Variants in PTPN13 observed in about 807,000 individuals in gnomAD.
The protein encoded by PTPN13 is tyrosine-protein phosphatase non-receptor type 13.
A neutral mutation model predicts 284.0 loss-of-function variants in PTPN13; 191 were observed. The ratio of observed to expected loss-of-function variants is 0.67; its 90% CI spans 0.60 to 0.76. The LOEUF (loss-of-function observed/expected upper bound fraction) is 0.76, where lower values mean the gene tolerates loss of function less well. Among genes scored for constraint, PTPN13 ranks in the 30% least tolerant of loss-of-function variants. The pLI is 0.00. For synonymous variants in PTPN13, 986 were observed against 1,022.3 expected (o/e 0.96, Z 0.68); for missense variants, 2,797 against 2,939.9 (o/e 0.95, Z 1.12).
At chr4:86,636,686 A>C (rs1462689548) in intron 2 of PTPN13, among the ~76,000 whole-genome samples, 4 of 152,132 alleles carry the variant, frequency 2.6e-5, no homozygotes, top group African/African-American at 9.7e-5. Flanking sequence ...CAGTGTGTAG[A>C]GGGAAATTTA....
intron 17 of PTPN13, among the ~76,000 whole-genome samples, chr4:86,748,675 T>A (rs10016124): frequency 3.3e-5 from 5 of 152,106 alleles, no homozygotes; most frequent in Non-Finnish European, 7.4e-5. Context: ...TTTTTTTTTT[T>A]AATGTAGTAT....
chr4:86,711,586 A>T (rs1732424618), intron 7 of PTPN13, among the ~76,000 whole-genome samples: 1 of 152,142 alleles, frequency 6.6e-6, no homozygotes, highest in Non-Finnish European at 1.5e-5. Context: ...TCTGTAACTG[A>T]AAACTAAAGT....
rs76782824 is a variant in PTPN13 at position 86,782,414 on chromosome 4, C to T, written c.6024+152C>T. ...GGCTATATTTTACTGAACTAATAGG[C>T]CTTGCTAAGTAAATCATACAACATA... On this transcript the variant is annotated intron_variant, in intron 37 of 47. Coordinates refer to ENST00000411767, the MANE Select transcript of PTPN13 (RefSeq NM_080683.3). 4.0e-3 allele frequency among the ~76,000 whole-genome samples: 612 copies of T among 152,238 alleles called. 10 individuals are homozygous for T. Among genetic ancestry groups the T allele is most frequent in the African/African-American group, 0.014 (580 of 41,546 alleles).
chr4:86,648,138 T>G (rs897238645), intron 2 of PTPN13, among the ~76,000 whole-genome samples: 8 of 152,116 alleles, frequency 5.3e-5, no homozygotes, highest in African/African-American at 1.9e-4. Flanking sequence ...ACATGTGATA[T>G]TTTGAAAAAA....
At chr4:86,641,698 C>T (rs1723807048) in intron 2 of PTPN13, among the ~76,000 whole-genome samples, 1 of 152,078 alleles carries the variant, frequency 6.6e-6, no homozygotes, top group Non-Finnish European at 1.5e-5. Context: ...GGTGGTTCCC[C>T]TTTTGGTGTA....
At chr4:86,807,941 G>C in intron 45 of PTPN13, 44 bp downstream of exon 45, 1 of 1,516,288 alleles carries the variant, frequency 6.6e-7, no homozygotes, top group Non-Finnish European at 9.0e-7. Flanking sequence ...GTATCTCCTA[G>C]TTGTAATCCA....
intron 25 of PTPN13, 71 bp from the exon 26 acceptor site, chr4:86,765,324 A>G: frequency 4.5e-6 from 5 of 1,114,184 alleles, no homozygotes; most frequent in Admixed American, 2.0e-5. Context: ...AATCCTTTCT[A>G]GGCCTGAGAT....
rs1323925203 is a variant in PTPN13 at position 86,803,710 on chromosome 4, T to C, written c.6507T>C (p.Asp2169=). The C allele has an allele frequency of 6.2e-7, 1 of 1,613,684 alleles. No homozygotes were observed. The highest frequency in any genetic ancestry group is 1.7e-5 in the Admixed American group (1 of 60,008). ...ERTNHEDSDK[D]HSFLTNDELA... ...TTTAAATTGCTGTCTTCCTATTAGATCATTCCTTTCTGACAAACGATGAGC... is the reference window on the plus strand; with the variant it reads ...TTTAAATTGCTGTCTTCCTATTAGACCATTCCTTTCTGACAAACGATGAGC... The change falls in exon 43 of 48, where the codon GAT becomes GAC. Residue 2169 remains aspartate, a splice_region_variant and synonymous_variant. Transcript: ENST00000411767.
intron 14 of PTPN13, among the ~76,000 whole-genome samples, chr4:86,735,305 A>G (rs775628509): frequency 1.3e-5 from 2 of 152,214 alleles, no homozygotes; most frequent in Non-Finnish European, 2.9e-5. Flanking sequence ...GCAAGGGGCT[A>G]GAAGCTGTGC....
rs537039540 is a variant in PTPN13 at position 86,732,485 on chromosome 4, A to T, written c.1683+11A>T. The stretch of plus-strand genomic sequence containing the variant: ...CCACGGTCTATTCTTGTAAGTAATA[A>T]AACCAATTTGTGTCACTCTTAGAAA... On this transcript the variant is annotated intron_variant, in intron 11 of 47. Coordinates refer to ENST00000411767, the MANE Select transcript of PTPN13 (RefSeq NM_080683.3). 6.3e-7 allele frequency: 1 copy of T among 1,597,010 alleles called. No individual in the cohort carries two copies. Among genetic ancestry groups the T allele is most frequent in the Non-Finnish European group, 8.5e-7 (1 of 1,169,828 alleles).
chr4:86,720,160 T>A (rs1460908230), intron 9 of PTPN13, among the ~76,000 whole-genome samples: 1 of 152,212 alleles, frequency 6.6e-6, no homozygotes, highest in Non-Finnish European at 1.5e-5. Flanking sequence ...GAAGAAGCAC[T>A]GGGATATGTG....
In PTPN13 at chr4:86,775,226, G is replaced by A. The variant is rs758037404; in HGVS notation, c.5564G>A (p.Arg1855Gln). The A allele has an allele frequency of 6.2e-6, 10 of 1,613,170 alleles. No individual in the cohort carries two copies. Among genetic ancestry groups the A allele is most frequent in the East Asian group, 2.2e-5 (1 of 44,872 alleles). Residue 1855 changes from arginine to glutamine, a missense_variant, in exon 34 of 48, where the codon CGG becomes CAG. Coordinates refer to ENST00000411767, the MANE Select transcript of PTPN13 (RefSeq NM_080683.3). ...CATACAGATGCAGTTAATCTGCTCC[G>A]GGCTGCATCCAAAACAGTCAGATTA... The part of the protein sequence containing the change: ...MTHTDAVNLL[R>Q]AASKTVRLVI...
At chr4:86,771,053 TATC>T (rs1739938982) in intron 30 of PTPN13, 115 bp from the exon 31 acceptor site, 1 of 1,109,650 alleles carries the variant, frequency 9.0e-7, no homozygotes, top group Non-Finnish European at 1.3e-6. Flanking sequence ...AAATTACTTT[TATC>T]ATCAGAAAAT....
chr4:86,643,084 T>G (rs1293564722), intron 2 of PTPN13, among the ~76,000 whole-genome samples: 2 of 152,190 alleles, frequency 1.3e-5, no homozygotes, highest in Non-Finnish European at 1.5e-5. Context: ...AGAGACTCAA[T>G]TTCCCTCACT....
At chr4:86,811,194 T>G in intron 47 of PTPN13, 86 bp downstream of exon 47, 1 of 1,303,556 alleles carries the variant, frequency 7.7e-7, no homozygotes, top group Non-Finnish European at 1.0e-6. Flanking sequence ...TTTTCTTTTT[T>G]GAGAGTTCCC....
At chr4:86,747,534 A>AGCAGCAGCAGCG (rs1419240627) in intron 17 of PTPN13, among the ~76,000 whole-genome samples, 35 of 141,420 alleles carry the variant, frequency 2.5e-4, no homozygotes, top group African/African-American at 9.7e-4. Context: ...CGGTAATAGT[A>AGCAGCAGCAGCG]GCAGCAGCAG....
chr4:86,707,458 T>A (rs1174517511), intron 7 of PTPN13, among the ~76,000 whole-genome samples: 1 of 152,178 alleles, frequency 6.6e-6, no homozygotes, highest in Non-Finnish European at 1.5e-5. Flanking sequence ...AACACTCAAG[T>A]ATGGGAACCC....
At chr4:86,643,103 G>T (rs1450475012) in intron 2 of PTPN13, among the ~76,000 whole-genome samples, 1 of 152,074 alleles carries the variant, frequency 6.6e-6, no homozygotes, top group Non-Finnish European at 1.5e-5. Flanking sequence ...CTTAGGCAAG[G>T]ATATAAATCC....
At position 86,763,099 on chromosome 4, in the gene PTPN13, T is replaced by C. The variant is rs1738890669; in HGVS notation, c.3926T>C (p.Ile1309Thr). ...SNQSKTKKPGISDVTDYSDRG... is the reference protein window; with the variant it reads ...SNQSKTKKPGTSDVTDYSDRG... Reference sequence around the variant, plus strand: ...CAAAGCAAAACTAAAAAGCCAGGCATTTCTGATGTAACTGATTACTCAGAC... The same window carrying C: ...CAAAGCAAAACTAAAAAGCCAGGCACTTCTGATGTAACTGATTACTCAGAC... The change falls in exon 24 of 48, where the codon ATT (isoleucine) becomes ACT (threonine). Residue 1309 changes from isoleucine (I) to threonine (T), a missense_variant. By Grantham distance (89) the Ile-to-Thr change is moderately conservative. Coordinates refer to ENST00000411767, the MANE Select transcript of PTPN13 (RefSeq NM_080683.3). 1 of 1,613,438 alleles carries C rather than the reference T, an allele frequency of 6.2e-7. No homozygotes were observed. Among genetic ancestry groups the C allele is most frequent in the African/African-American group, 1.3e-5 (1 of 74,780 alleles).
Sources: allele counts gnomAD v4.1 joint callset (sites outside exome capture counted in the v4.1 genomes callset), GRCh38; gene constraint gnomAD v4.1.1; transcripts MANE v1.5; gene names NCBI Gene and HGNC (gene_info 2026-07-23, HGNC 2026-07-21).